The following IARS2 variants were observed in gnomAD, a reference collection of about 807,000 sequenced individuals.
IARS2 encodes the protein isoleucyl-tRNA synthetase 2, mitochondrial.
In IARS2, 56 loss-of-function variants were observed where a neutral mutation model predicts 126.3. The observed-to-expected ratio is 0.44, with a 90% CI of 0.36 to 0.55. The LOEUF is 0.55. Among genes scored for constraint, IARS2 ranks in the 20% least tolerant of loss-of-function variants. The pLI is 0.00. For synonymous variants in IARS2, 407 were observed against 441.1 expected (o/e 0.92, Z 0.97); for missense variants, 1,127 against 1,245.9 (o/e 0.90, Z 1.44).
rs768336894 is a variant in IARS2 at position 220,126,776 on chromosome 1, T to C, written c.1770T>C (p.Tyr590=). Residue 590 remains tyrosine, a synonymous_variant, in exon 14 of 23, where the codon TAT becomes TAC. Coordinates refer to ENST00000366922, the MANE Select transcript of IARS2 (RefSeq NM_018060.4). ...TTGGTGGCCCTGATGCCTTGGAATA[T>C]GTGCCAGGTCAGGATATTTTGGACA... ...SEVGGPDALE[Y]VPGQDILDIW... is the part of the protein sequence containing the mutation. The C allele has an allele frequency of 6.2e-6, 10 of 1,613,336 alleles. No homozygotes were observed. The highest frequency in any genetic ancestry group is 8.5e-6 in the Non-Finnish European group (10 of 1,179,890).
chr1:220,136,475 C>T (rs1657377203), intron 15 of IARS2, among the ~76,000 whole-genome samples: 1 of 151,904 alleles, frequency 6.6e-6, no homozygotes, highest in African/African-American at 2.4e-5. Flanking sequence ...CAGGGTGGCT[C>T]ATACCTGTAA....
chr1:220,147,535 T>C lies in IARS2; in HGVS notation c.2939T>C (p.Met980Thr), dbSNP rs747690589. ...REESSYKVIV[M>T]PTTKEKCPRC... ...GAGTCTTCCTATAAAGTAATTGTCA[T>C]GCCGACTACGAAAGAAAAATGCCCC... Residue 980 changes from methionine to threonine, a missense_variant, in exon 23 of 23, where the codon ATG becomes ACG. Coordinates refer to ENST00000366922, the MANE Select transcript of IARS2 (RefSeq NM_018060.4). 3.1e-6 allele frequency: 5 copies of C among 1,614,068 alleles called. No individual in the cohort carries two copies. The East Asian group carries it at 1.1e-4, about 36-fold the overall frequency.
Position 220,143,125 on chromosome 1 carries a change from G to A in IARS2, c.2742G>A (p.Glu914=), listed in dbSNP as rs1181792590. The A allele has an allele frequency of 2.5e-6, 4 of 1,611,944 alleles. No individual in the cohort carries two copies. The highest frequency in any genetic ancestry group is 3.4e-6 in the Non-Finnish European group (4 of 1,178,580). ...ITVIEPGLLF[E]IIEMLQSEET... The stretch of plus-strand genomic sequence containing the variant: ...TGATAGAACCTGGACTGCTTTTTGA[G>A]ATAATAGAGGTATGCAGCAATATGT... The change falls in exon 21 of 23, where the codon GAG becomes GAA. Residue 914 remains glutamate, a synonymous_variant. Transcript: ENST00000366922.
chr1:220,115,185 C>A (rs1656889278), intron 12 of IARS2, among the ~76,000 whole-genome samples: 1 of 152,070 alleles, frequency 6.6e-6, no homozygotes, highest in African/African-American at 2.4e-5. Flanking sequence ...AGATTTTTTT[C>A]ACTTTATGTG....
At chr1:220,123,720 G>T (rs1251332) in intron 12 of IARS2, among the ~76,000 whole-genome samples, 72 of 152,020 alleles carry the variant, frequency 4.7e-4, no homozygotes, top group Non-Finnish European at 1.3e-4. Context: ...CTCGTGATCC[G>T]CCCGCCTCAG....
chr1:220,137,458 A>C (rs995759786), intron 16 of IARS2, among the ~76,000 whole-genome samples: 2 of 152,180 alleles, frequency 1.3e-5, no homozygotes, highest in African/African-American at 4.8e-5. Flanking sequence ...TTGTGAATTA[A>C]ATCATTTGTC....
intron 21 of IARS2, chr1:220,144,438 A>G (rs1009829244): frequency 1.9e-5 from 10 of 526,716 alleles, no homozygotes; most frequent in African/African-American, 1.5e-4. Flanking sequence ...CTTATTTTGT[A>G]TGGTAAGCTC....
In IARS2 at chr1:220,147,554, A is replaced by G; in HGVS notation, c.2958A>G (p.Lys986=). ...TTGTCATGCCGACTACGAAAGAAAA[A>G]TGCCCCCGTTGTTGGAAGTATACAG... ...KVIVMPTTKE[K]CPRCWKYTAE... Residue 986 remains lysine (K), a synonymous_variant, in exon 23 of 23, where the codon AAA becomes AAG. Coordinates refer to ENST00000366922, the MANE Select transcript of IARS2 (RefSeq NM_018060.4). 1 of 1,614,194 alleles carries G rather than the reference A, an allele frequency of 6.2e-7. No homozygotes were observed.
chr1:220,104,243 C>T (rs752604122), intron 8 of IARS2, among the ~76,000 whole-genome samples: 1 of 152,228 alleles, frequency 6.6e-6, no homozygotes, highest in African/African-American at 2.4e-5. Context: ...TGCCAAAGTG[C>T]TGGGATTAAA....
intron 19 of IARS2, among the ~76,000 whole-genome samples, chr1:220,141,132 G>C (rs1002377576): frequency 1.3e-5 from 2 of 152,146 alleles, no homozygotes; most frequent in Non-Finnish European, 2.9e-5. Flanking sequence ...CTTACCTCGT[G>C]ATTGAGAAGG....
intron 22 of IARS2, 22 bp downstream of exon 22, chr1:220,145,675 CAAGT>C (rs1558133384): frequency 6.3e-7 from 1 of 1,593,412 alleles, no homozygotes; most frequent in Non-Finnish European, 8.6e-7. Context: ...ATGAAAGTAA[CAAGT>C]AACATCTGGA....
Position 220,106,071 on chromosome 1 carries a change from T to C in IARS2, c.1236+11T>C. 1 of 1,566,362 alleles carries C rather than the reference T, an allele frequency of 6.4e-7. No individual in the cohort carries two copies. Among genetic ancestry groups the C allele is most frequent in the Non-Finnish European group, 8.7e-7 (1 of 1,153,136 alleles). On this transcript the variant is annotated intron_variant, in intron 9 of 22. Transcript: ENST00000366922. Reference sequence around the variant, plus strand: ...CACAACCTGCCCATGGTACTGTTCCTCTTTTATCATTTTTAATTATTCATC... The same window carrying C: ...CACAACCTGCCCATGGTACTGTTCCCCTTTTATCATTTTTAATTATTCATC...
In IARS2 at chr1:220,114,738, CA is replaced by C. The variant is rs140796582; in HGVS notation, c.1640+265del. ...AATTTATTGGGCTGTATTAAGGTAT[CA>C]TGGATCCAAAGATGGACAGTGTTTA... On this transcript the variant is annotated intron_variant, in intron 12 of 22. Transcript: ENST00000366922. Among the ~76,000 whole-genome samples the C allele has an allele frequency of 0.018, 2,732 of 152,178 alleles. 43 individuals are homozygous for C. Among genetic ancestry groups the C allele is most frequent in the South Asian group, 0.094 (455 of 4,824 alleles).
At position 220,145,427 on chromosome 1, in the gene IARS2, G is replaced by C. The variant is rs897226054; in HGVS notation, c.2752-82G>C. 4 of 1,341,092 alleles carry C rather than the reference G, an allele frequency of 3.0e-6. No homozygotes were observed. In the African/African-American group the frequency reaches 5.9e-5, roughly 20 times the overall value. The allele number at this position is 1,341,092 out of a possible 1,614,324, so 83.1% of individuals were successfully genotyped here. Reference sequence around the variant, plus strand: ...CCAGAAGGTTCCTCTCTAAACGTGAGATTTTATAGTGTTTCTTTTTATAAC... The same window carrying C: ...CCAGAAGGTTCCTCTCTAAACGTGACATTTTATAGTGTTTCTTTTTATAAC... On this transcript the variant is annotated intron_variant, in intron 21 of 22. Transcript: ENST00000366922.
chr1:220,124,309 C>G (rs1657108737), intron 12 of IARS2, among the ~76,000 whole-genome samples: 1 of 152,046 alleles, frequency 6.6e-6, no homozygotes, highest in South Asian at 2.1e-4. Context: ...AAAGATACGA[C>G]CAGTTCTGTT....
chr1:220,110,715 A>C (rs915157457), intron 10 of IARS2, 71 bp from the exon 11 acceptor site: 14 of 1,207,420 alleles, frequency 1.2e-5, no homozygotes, highest in Admixed American at 2.1e-5. Context: ...ATTTTCTGGA[A>C]GTTTAGAGCA....
intron 8 of IARS2, among the ~76,000 whole-genome samples, chr1:220,104,475 C>G (rs1332045848): frequency 6.6e-6 from 1 of 152,052 alleles, no homozygotes; most frequent in Non-Finnish European, 1.5e-5. Context: ...CCTCTGGATC[C>G]TAGGCTCAAG....
chr1:220,096,329 G>A, intron 2 of IARS2, 103 bp downstream of exon 2: 1 of 808,996 alleles, frequency 1.2e-6, no homozygotes, highest in Non-Finnish European at 1.8e-6. Flanking sequence ...ATTTAGATTT[G>A]CACATAAAAC....
intron 1 of IARS2, 141 bp downstream of exon 1, chr1:220,094,624 C>A: frequency 1.5e-6 from 1 of 675,978 alleles, no homozygotes; most frequent in South Asian, 2.0e-5. Flanking sequence ...AATTCGTCTG[C>A]TTCGCACAGA....
Sources: gnomAD v4.1 joint callset for allele counts (sites outside exome capture counted in the v4.1 genomes callset) on GRCh38, gnomAD v4.1.1 for gene constraint, MANE v1.5 for transcripts, NCBI Gene and HGNC (gene_info 2026-07-23, HGNC 2026-07-21) for gene names.